Variants in GAREM1 observed in about 807,000 individuals in gnomAD.
GAREM1 encodes GRB2 associated regulator of MAPK1 subtype 1.
A neutral mutation model predicts 71.3 loss-of-function variants in GAREM1; 26 were observed. That is an observed-to-expected ratio of 0.36 (90% CI 0.27 to 0.51). The LOEUF (loss-of-function observed/expected upper bound fraction) is 0.51, where lower values mean the gene tolerates loss of function less well. GAREM1 is among the 20% of genes least tolerant of loss of function. GAREM1 has a pLI of 0.95. For synonymous variants in GAREM1, 440 were observed against 433.2 expected, an observed-to-expected ratio of 1.02 and a Z score of -0.20; for missense variants, 1,026 against 1,103.1, an observed-to-expected ratio of 0.93 and a Z score of 0.99.
At chr18:32,418,304 T>G (rs1247893094) in intron 1 of GAREM1, among the ~76,000 whole-genome samples, 1 of 152,146 alleles carries the variant, frequency 6.6e-6, no homozygotes, top group Non-Finnish European at 1.5e-5. Flanking sequence ...GAGTCTCAGA[T>G]GTCCATGGTG....
intron 2 of GAREM1, among the ~76,000 whole-genome samples, chr18:32,346,971 C>CA (rs1001724087): frequency 6.6e-6 from 1 of 152,122 alleles, no homozygotes; most frequent in African/African-American, 2.4e-5. Context: ...ACTCTTCAGT[C>CA]TCTGCTTTGT....
chr18:32,393,677 C>T (rs975190523), intron 1 of GAREM1, among the ~76,000 whole-genome samples: 2 of 152,124 alleles, frequency 1.3e-5, no homozygotes, highest in African/African-American at 4.8e-5. Flanking sequence ...CCAAACTTCC[C>T]GATCAATTAA....
chr18:32,442,417 A>G (rs1184697271), intron 1 of GAREM1, among the ~76,000 whole-genome samples: 1 of 152,196 alleles, frequency 6.6e-6, no homozygotes, highest in Non-Finnish European at 1.5e-5. Flanking sequence ...TTTGAAATAC[A>G]AAGTACATTT....
At chr18:32,303,544 G>C (rs561898972) in intron 3 of GAREM1, among the ~76,000 whole-genome samples, 1 of 152,048 alleles carries the variant, frequency 6.6e-6, no homozygotes, top group African/African-American at 2.4e-5. Flanking sequence ...GAAGTGAAGG[G>C]GTATTTCGAA....
At chr18:32,392,499 T>C (rs2048213037) in intron 2 of GAREM1, among the ~76,000 whole-genome samples, 1 of 152,180 alleles carries the variant, frequency 6.6e-6, no homozygotes, top group African/African-American at 2.4e-5. Context: ...CAGACCACAA[T>C]GTTAATTTGT....
chr18:32,313,862 A>G (rs985795622), intron 2 of GAREM1, among the ~76,000 whole-genome samples: 5 of 152,166 alleles, frequency 3.3e-5, no homozygotes, highest in Non-Finnish European at 5.9e-5. Flanking sequence ...GCTTAACAAG[A>G]TAAAAGTAAT....
intron 1 of GAREM1, among the ~76,000 whole-genome samples, chr18:32,454,853 A>T (rs1197742919): frequency 6.6e-6 from 1 of 152,116 alleles, no homozygotes; most frequent in Non-Finnish European, 1.5e-5. Context: ...TATCCCAACA[A>T]CTCTGTAGAT....
chr18:32,322,447 A>AT (rs1489000147), intron 2 of GAREM1, among the ~76,000 whole-genome samples: 1 of 152,160 alleles, frequency 6.6e-6, no homozygotes, highest in African/African-American at 2.4e-5. Flanking sequence ...CAATCTATTT[A>AT]TTTTCCAAAA....
chr18:32,267,951 G>T lies in GAREM1; in HGVS notation c.2551C>A (p.Leu851Ile). ...NLLVQLTEEI[L>I]SEDFKLSKLQ... ...TTGCTCAATTTGAAATCCTCTGAGA[G>T]GATTTCTTCCGTTAGCTGAACAAGC... Residue 851 changes from leucine (L) to isoleucine (I), a missense_variant, in exon 6 of 6, where the codon CTC (leucine) becomes ATC (isoleucine). Around this residue, in one of 3 missense-constraint regions of GAREM1, gnomAD observed 636 missense variants for 631.2 expected, o/e 1.01. Transcript: ENST00000269209. 1 of 1,613,932 alleles carries T rather than the reference G, an allele frequency of 6.2e-7. No individual in the cohort carries two copies. The highest frequency in any genetic ancestry group is 8.5e-7 in the Non-Finnish European group (1 of 1,179,882).
chr18:32,276,106 C>T (rs1216105162), intron 4 of GAREM1, among the ~76,000 whole-genome samples: 1 of 152,228 alleles, frequency 6.6e-6, no homozygotes, highest in Admixed American at 6.5e-5. Context: ...AAACAGAAAG[C>T]TCATTTATTA....
chr18:32,351,698 TCTC>T (rs1349743822), intron 2 of GAREM1, among the ~76,000 whole-genome samples: 4 of 144,030 alleles, frequency 2.8e-5, no homozygotes, highest in Non-Finnish European at 6.0e-5. Flanking sequence ...CAATACCCTC[TCTC>T]TTTTTTTTTT....
At chr18:32,426,070 G>C (rs2048571637) in intron 1 of GAREM1, among the ~76,000 whole-genome samples, 1 of 152,142 alleles carries the variant, frequency 6.6e-6, no homozygotes, top group African/African-American at 2.4e-5. Context: ...CCAGGCTGGA[G>C]TGCAGTGGTG....
rs562648605 is a variant in GAREM1, at chr18:32,462,699, A to C, written c.121+7609T>G. Among the ~76,000 whole-genome samples the C allele has an allele frequency of 4.1e-4, 62 of 152,252 alleles. No homozygotes were observed. The South Asian group carries it at 8.1e-3, about 20-fold the overall frequency. ...AATCCTCGCCTAGTCTAATGTCATA[A>C]AGTGTTTCTACTATGTTTTCTTCCA... On this transcript the variant is annotated intron_variant, in intron 1 of 5. Transcript: ENST00000269209.
At chr18:32,366,642 G>A (rs1292096143) in intron 2 of GAREM1, among the ~76,000 whole-genome samples, 1 of 152,138 alleles carries the variant, frequency 6.6e-6, no homozygotes, top group East Asian at 1.9e-4. Context: ...ACTTTCACAA[G>A]ACAGTCTAAT....
At chr18:32,407,067 T>C (rs1211065354) in intron 1 of GAREM1, among the ~76,000 whole-genome samples, 1 of 152,180 alleles carries the variant, frequency 6.6e-6, no homozygotes, top group Non-Finnish European at 1.5e-5. Flanking sequence ...CATTCAGCTA[T>C]CCCAAATGAT....
At chr18:32,410,776 G>A (rs925080817) in intron 1 of GAREM1, among the ~76,000 whole-genome samples, 23 of 152,106 alleles carry the variant, frequency 1.5e-4, no homozygotes, top group Admixed American at 1.2e-3. Context: ...ATAGATAGAA[G>A]TCTCTCAACA....
intron 1 of GAREM1, among the ~76,000 whole-genome samples, chr18:32,428,789 C>A (rs544602937): frequency 3.9e-5 from 6 of 152,316 alleles, no homozygotes; most frequent in African/African-American, 1.4e-4. Context: ...TGCTTCAACT[C>A]TCCAGACACA....
chr18:32,347,493 A>C (rs1482801807), intron 2 of GAREM1, among the ~76,000 whole-genome samples: 1 of 152,172 alleles, frequency 6.6e-6, no homozygotes, highest in Non-Finnish European at 1.5e-5. Context: ...CAAAGGAAGA[A>C]ACTGGAGTTC....
At chr18:32,439,868 A>C (rs759562864) in intron 1 of GAREM1, among the ~76,000 whole-genome samples, 1 of 152,148 alleles carries the variant, frequency 6.6e-6, no homozygotes, top group Non-Finnish European at 1.5e-5. Flanking sequence ...ACCTTTATTT[A>C]CACTCAGTGA....
Sources: allele counts gnomAD v4.1 joint callset (sites outside exome capture counted in the v4.1 genomes callset), GRCh38; gene constraint gnomAD v4.1.1; regional missense constraint gnomAD v4.1.1; transcripts MANE v1.5; gene names NCBI Gene and HGNC (gene_info 2026-07-23, HGNC 2026-07-21).